Variants in GNAL observed in about 807,000 individuals in gnomAD.
GNAL encodes G protein subunit alpha L.
GNAL carries 18 observed loss-of-function variants against 55.1 expected under a neutral mutation model. The observed-to-expected ratio is 0.33, with a 90% CI of 0.23 to 0.48. The LOEUF (loss-of-function observed/expected upper bound fraction) is 0.48. GNAL is among the 20% of genes least tolerant of loss of function. The probability of loss-of-function intolerance (pLI) is 0.99; values close to 1 mark genes in which losing one functional copy is unlikely to be tolerated. For synonymous variants in GNAL, 253 were observed against 237.0 expected (o/e 1.07, Z -0.62); for missense variants, 412 against 614.1 (o/e 0.67, Z 3.48).
chr18:11,700,170 G>A (rs994356244), intron 1 of GNAL, among the ~76,000 whole-genome samples: 1 of 152,130 alleles, frequency 6.6e-6, no homozygotes, highest in African/African-American at 2.4e-5. Flanking sequence ...TAATGAGCCC[G>A]TTTAGGGGCC....
intron 5 of GNAL, among the ~76,000 whole-genome samples, chr18:11,835,170 G>A (rs1378440517): frequency 2.6e-5 from 4 of 152,142 alleles, no homozygotes; most frequent in Non-Finnish European, 4.4e-5. Context: ...ATTTTACATT[G>A]AAAGAAAAAG....
intron 11 of GNAL, 62 bp from the exon 12 acceptor site, chr18:11,880,927 A>C (rs2036671429): frequency 3.9e-6 from 6 of 1,557,278 alleles, no homozygotes; most frequent in Non-Finnish European, 5.3e-6. Flanking sequence ...AGCGTGGCCT[A>C]GTCCTTCCCC....
At chr18:11,864,452 A>T in intron 6 of GNAL, 81 bp from the exon 7 acceptor site, 1 of 780,126 alleles carries the variant, frequency 1.3e-6, no homozygotes, top group Admixed American at 1.8e-5. Context: ...AAAAATATTG[A>T]TGAGGTATAG....
chr18:11,823,561 A>G (rs948039257), intron 4 of GNAL, among the ~76,000 whole-genome samples: 2 of 152,148 alleles, frequency 1.3e-5, no homozygotes. Context: ...CTGTTTTTTC[A>G]AAGAGAGCCT....
At position 11,751,385 on chromosome 18, in the gene GNAL, T is replaced by C. The variant is rs1157265740; in HGVS notation, c.377-1468T>C. On this transcript the variant is annotated intron_variant, in intron 1 of 11. Transcript: ENST00000334049. The surrounding 1 kb of genome is among the most constrained non-coding windows in gnomAD (Gnocchi z 4.5). ...ACAGTGCCTTCTGGAAGAGTTGTTG[T>C]GCTGCTTGGGAGCACTGCACAGGAG... 1.5e-5 allele frequency: 6 copies of C among 408,632 alleles called. No homozygotes were observed. The highest frequency in any genetic ancestry group is 2.2e-5 in the African/African-American group (1 of 46,266). The allele number at this position is 408,632 out of a possible 1,614,324, so 25.3% of individuals were successfully genotyped here.
chr18:11,824,262 T>TG (rs113728715), intron 4 of GNAL, among the ~76,000 whole-genome samples: 21,479 of 140,256 alleles, frequency 0.15, 1,913 homozygotes, highest in East Asian at 0.27. Context: ...ATGGCTGAGA[T>TG]GGGGGGGGGG....
intron 4 of GNAL, among the ~76,000 whole-genome samples, chr18:11,812,557 A>G (rs1175045185): frequency 6.6e-6 from 1 of 152,234 alleles, no homozygotes; most frequent in Non-Finnish European, 1.5e-5. Context: ...TAAAAATGAC[A>G]TTCAGGCTGG....
At chr18:11,755,419 G>A (rs1029670120) in intron 4 of GNAL, among the ~76,000 whole-genome samples, 6 of 152,076 alleles carry the variant, frequency 3.9e-5, no homozygotes, top group South Asian at 4.2e-4. Flanking sequence ...GACTACAGGC[G>A]CCCGCCACCT....
chr18:11,788,912 A>G (rs60425231), intron 4 of GNAL, among the ~76,000 whole-genome samples: 1 of 68,754 alleles, frequency 1.5e-5, no homozygotes, highest in Non-Finnish European at 2.5e-5. Flanking sequence ...AAAAAAAAAA[A>G]AAATATATAT....
At chr18:11,873,629 A>T (rs1322690044) in intron 10 of GNAL, among the ~76,000 whole-genome samples, 1 of 152,130 alleles carries the variant, frequency 6.6e-6, no homozygotes, top group Non-Finnish European at 1.5e-5. Context: ...TGGAAATCTC[A>T]TTGCAGTTCA....
chr18:11,785,930 GA>G (rs2034043235), intron 4 of GNAL, among the ~76,000 whole-genome samples: 1 of 152,184 alleles, frequency 6.6e-6, no homozygotes, highest in Non-Finnish European at 1.5e-5. Context: ...TTGCAAGGCA[GA>G]AAATTATTAA....
intron 4 of GNAL, among the ~76,000 whole-genome samples, chr18:11,784,063 T>C (rs1230977533): frequency 6.6e-6 from 1 of 152,274 alleles, no homozygotes; most frequent in Non-Finnish European, 1.5e-5. Flanking sequence ...GTCCCTCATG[T>C]CCACGTGGCC....
At chr18:11,753,745 G>A (rs2032941055) in intron 3 of GNAL, 63 bp downstream of exon 3, 1 of 1,476,416 alleles carries the variant, frequency 6.8e-7, no homozygotes, top group Admixed American at 1.7e-5. Flanking sequence ...CTAAAACTGT[G>A]TAGACAGAAA....
At chr18:11,762,011 C>CCTT (rs1333979181) in intron 4 of GNAL, among the ~76,000 whole-genome samples, 2 of 152,144 alleles carry the variant, frequency 1.3e-5, no homozygotes, top group East Asian at 3.9e-4. Context: ...AACAGAAGTC[C>CCTT]CACTTTGCAG....
intron 4 of GNAL, among the ~76,000 whole-genome samples, chr18:11,785,954 T>C (rs562255891): frequency 2.0e-5 from 3 of 152,328 alleles, no homozygotes; most frequent in South Asian, 4.1e-4. Context: ...TGAAAGAAAA[T>C]GACTGTTCCC....
At chr18:11,760,095 C>T (rs970803949) in intron 4 of GNAL, among the ~76,000 whole-genome samples, 1 of 152,062 alleles carries the variant, frequency 6.6e-6, no homozygotes, top group Non-Finnish European at 1.5e-5. Flanking sequence ...CCTCTTTCTC[C>T]ACCGCCTCCT....
At chr18:11,807,163 A>G (rs1318481433) in intron 4 of GNAL, among the ~76,000 whole-genome samples, 1 of 152,102 alleles carries the variant, frequency 6.6e-6, no homozygotes, top group Non-Finnish European at 1.5e-5. Flanking sequence ...TGTCTCAAAA[A>G]AAAAAAAGAA....
chr18:11,877,758 C>A lies in GNAL; in HGVS notation c.1230+1070C>A, dbSNP rs1394732724. Among the ~76,000 whole-genome samples the A allele has an allele frequency of 2.0e-5, 3 of 152,194 alleles. No homozygotes were observed. In the East Asian group the frequency reaches 5.8e-4, roughly 29 times the overall value. ...CCGGCACTCCAGCCTGGCCTTTCAC[C>A]ACCCTTTTCCCGGCACACCCCTGTG... On this transcript the variant is annotated intron_variant, in intron 11 of 11. Coordinates refer to ENST00000334049, the MANE Select transcript of GNAL (RefSeq NM_182978.4).
At chr18:11,717,154 C>A (rs986167289) in intron 1 of GNAL, among the ~76,000 whole-genome samples, 1 of 152,256 alleles carries the variant, frequency 6.6e-6, no homozygotes. Flanking sequence ...AGGTGCTAAG[C>A]CCCTCACTGT....
Sources: gnomAD v4.1 joint callset for allele counts (sites outside exome capture counted in the v4.1 genomes callset) on GRCh38, gnomAD v4.1.1 for gene constraint, Gnocchi (gnomAD v3.1) non-coding constraint, MANE v1.5 for transcripts, NCBI Gene and HGNC (gene_info 2026-07-23, HGNC 2026-07-21) for gene names.